PEX1: variants seen among roughly 807,000 people sequenced by gnomAD.
PEX1 encodes the protein peroxisomal biogenesis factor 1.
Under a neutral mutation model 152.5 loss-of-function variants are expected in PEX1, and 97 were observed. The observed-to-expected ratio is 0.64, with a 90% confidence interval of 0.54 to 0.75. The LOEUF is 0.75. Among genes scored for constraint, PEX1 ranks in the 30% least tolerant of loss-of-function variants. The probability of loss-of-function intolerance (pLI) is 0.00; values close to 1 mark genes in which losing one functional copy is unlikely to be tolerated. For synonymous variants in PEX1, 485 were observed against 531.6 expected (o/e 0.91, Z 1.21); for missense variants, 1,357 against 1,516.3 (o/e 0.89, Z 1.74).
rs774010258 is a variant in PEX1, at chr7:92,499,752, T to C, written c.2670A>G (p.Leu890=). ...YGPPGTGKTL[L]AGVIARESRM... is the part of the protein sequence containing the mutation. ...TACTCTCTCGTGCAATTACCCCAGC[T>C]AGTAAGGTTTTTCCTGTTCCAGGCG... is the stretch of plus-strand genomic sequence containing the variant. Residue 890 remains leucine, a synonymous_variant, in exon 16 of 24, where the codon CTA becomes CTG. Transcript: ENST00000248633. 1.2e-6 allele frequency: 2 copies of C among 1,613,424 alleles called. No homozygotes were observed. Among genetic ancestry groups the C allele is most frequent in the Non-Finnish European group, 1.7e-6 (2 of 1,179,400 alleles).
At chr7:92,498,286 T>C (rs919657119) in intron 16 of PEX1, among the ~76,000 whole-genome samples, 5 of 150,966 alleles carry the variant, frequency 3.3e-5, no homozygotes, top group Admixed American at 6.6e-5. Flanking sequence ...GGCAGATCAC[T>C]CGAGGTCAGG....
intron 6 of PEX1, among the ~76,000 whole-genome samples, chr7:92,513,405 C>A (rs1792571800): frequency 6.6e-6 from 1 of 151,938 alleles, no homozygotes; most frequent in Non-Finnish European, 1.5e-5. Context: ...ATACATACAA[C>A]ACAGATGAGC....
intron 1 of PEX1, among the ~76,000 whole-genome samples, chr7:92,526,932 A>ATTCTTC (rs1554377738): frequency 6.6e-6 from 1 of 152,226 alleles, no homozygotes; most frequent in Non-Finnish European, 1.5e-5. Flanking sequence ...TCTATAAAAC[A>ATTCTTC]TAAATTCTAT....
rs1445004699 is a variant in PEX1 at position 92,514,044 on chromosome 7, T to A, written c.1240-77A>T. The A allele has an allele frequency of 7.7e-6, 7 of 914,240 alleles. No homozygotes were observed. The East Asian group carries it at 8.1e-5, about 11-fold the overall frequency. 56.6% of individuals were successfully genotyped at this position (914,240 alleles called of 1,614,324 possible). ...AAATATTTCATAGCATAAATATTGA[T>A]ATATTAGCTTCTATGAATTTAGGTG... On this transcript the variant is annotated intron_variant, in intron 5 of 23. Transcript: ENST00000248633.
At chr7:92,500,578 C>T (rs1257329999) in intron 15 of PEX1, among the ~76,000 whole-genome samples, 4 of 152,200 alleles carry the variant, frequency 2.6e-5, no homozygotes, top group African/African-American at 9.6e-5. Flanking sequence ...GCTAGTACTT[C>T]CATACCCATG....
At chr7:92,490,545 G>T (rs1791239073) in intron 21 of PEX1, among the ~76,000 whole-genome samples, 1 of 139,876 alleles carries the variant, frequency 7.1e-6, no homozygotes, top group Admixed American at 7.9e-5. Context: ...TGAGGTGGAA[G>T]AATCACCTAA....
Position 92,487,395 on chromosome 7 carries a change from G to T in PEX1, c.*62C>A. Reference sequence around the variant, plus strand: ...AATTCATAGACACCATTTTTTTCCTGTTACAACATATGGAAAAGCCATCAA... The same window carrying T: ...AATTCATAGACACCATTTTTTTCCTTTTACAACATATGGAAAAGCCATCAA... On this transcript the variant is annotated 3_prime_UTR_variant, in exon 24 of 24. Transcript: ENST00000248633. The T allele has an allele frequency of 3.5e-6, 3 of 867,438 alleles. No individual in the cohort carries two copies. The highest frequency in any genetic ancestry group is 2.2e-5 in the Admixed American group (1 of 46,480). The allele number at this position is 867,438 out of a possible 1,614,324, so 53.7% of individuals were successfully genotyped here.
At chr7:92,500,126 A>G (rs2116135841) in intron 15 of PEX1, among the ~76,000 whole-genome samples, 1 of 152,380 alleles carries the variant, frequency 6.6e-6, no homozygotes, top group East Asian at 1.9e-4. Context: ...TACTACATTT[A>G]AAAAGTACAA....
At chr7:92,508,090 ATGGGTGCTTT>A (rs1459973377) in intron 9 of PEX1, among the ~76,000 whole-genome samples, 1 of 152,218 alleles carries the variant, frequency 6.6e-6, no homozygotes, top group Non-Finnish European at 1.5e-5. Flanking sequence ...ATAATCATAA[ATGGGTGCTTT>A]TGAAGTACTG....
chr7:92,512,990 A>T (rs1792551128), intron 6 of PEX1, among the ~76,000 whole-genome samples: 1 of 152,162 alleles, frequency 6.6e-6, no homozygotes, highest in African/African-American at 2.4e-5. Context: ...CAAAGAATTA[A>T]CTGAGTAAAA....
intron 20 of PEX1, 68 bp downstream of exon 20, chr7:92,492,885 G>T: frequency 1.6e-6 from 2 of 1,241,824 alleles, no homozygotes; most frequent in Non-Finnish European, 1.2e-6. Context: ...TTTTTAAGGT[G>T]GAAATTTTGA....
chr7:92,522,207 T>G lies in PEX1; in HGVS notation c.168A>C (p.Ala56=), dbSNP rs1793079100. 1.2e-6 allele frequency: 2 copies of G among 1,613,954 alleles called. No homozygotes were observed. The highest frequency in any genetic ancestry group is 1.3e-5 in the African/African-American group (1 of 74,932). Residue 56 remains alanine, a synonymous_variant, in exon 2 of 24, where the codon GCA becomes GCC. Transcript: ENST00000248633. ...GCCTGCCTTCCACCCAGCTCAAGAATGCAGGCTGGTGACTCCAGACCACTT... is the reference window on the plus strand; with the variant it reads ...GCCTGCCTTCCACCCAGCTCAAGAAGGCAGGCTGGTGACTCCAGACCACTT... ...AIEVVWSHQP[A]FLSWVEGRHF...
In PEX1 at chr7:92,494,476, A is replaced by G. The variant is rs755713173; in HGVS notation, c.2926+11T>C. ...GTTATAACATTCTATTTCTGTATTT[A>G]TAATTATTACCCTGTAAGCCTTCTA... On this transcript the variant is annotated intron_variant, in intron 18 of 23. Coordinates refer to ENST00000248633, the MANE Select transcript of PEX1 (RefSeq NM_000466.3). 2 of 1,613,288 alleles carry G rather than the reference A, an allele frequency of 1.2e-6. No individual in the cohort carries two copies. Among genetic ancestry groups the G allele is most frequent in the Non-Finnish European group, 1.7e-6 (2 of 1,179,244 alleles).
chr7:92,499,847 CAA>C lies in PEX1; in HGVS notation c.2584-11_2584-10del, dbSNP rs5885806. The C allele has an allele frequency of 0.067, 74,493 of 1,106,330 alleles. 11 individuals carry two copies. Among genetic ancestry groups the C allele is most frequent in the South Asian group, 0.094 (5,185 of 55,076 alleles). 68.5% of individuals were successfully genotyped at this position (1,106,330 alleles called of 1,614,324 possible). A position where few individuals can be genotyped will look rare whatever the true frequency, so the allele number is the denominator to read the frequency against. On this transcript the variant is annotated splice_polypyrimidine_tract_variant and intron_variant, in intron 15 of 23. Coordinates refer to ENST00000248633, the MANE Select transcript of PEX1 (RefSeq NM_000466.3). ...GCAAATAATTCTGGATACTGAGAAA[CAA>C]AAAAAAAAAATATGAAAAAGAGCTC... is the stretch of plus-strand genomic sequence containing the variant.
rs1438238195 is a variant in PEX1, at chr7:92,491,354, T to C, written c.3356A>G (p.Asp1119Gly). 4 of 1,613,896 alleles carry C rather than the reference T, an allele frequency of 2.5e-6. No individual in the cohort carries two copies. The highest frequency in any genetic ancestry group is 1.1e-5 in the South Asian group (1 of 91,088). Residue 1119 changes from aspartate (D) to glycine (G), a missense_variant, in exon 21 of 24, where the codon GAT (aspartate) becomes GGT (glycine). By Grantham distance (94) the Asp-to-Gly change is moderately conservative. Transcript: ENST00000248633. The part of the protein sequence containing the change: ...VSLEMSEILP[D>G]ESKFNMYRLY... ...CCGGTACATATTGAATTTTGATTCATCTGGAAGGATCTCGGACATCTCTAA... is the reference window on the plus strand; with the variant it reads ...CCGGTACATATTGAATTTTGATTCACCTGGAAGGATCTCGGACATCTCTAA...
Position 92,489,442 on chromosome 7 carries a change from T to G in PEX1, c.3637-19A>C. The stretch of plus-strand genomic sequence containing the variant: ...CGTCCTCCTTAAGTAAAAAAAGAAA[T>G]TGACGAAGAGTTAAATTAAGGATGT... On this transcript the variant is annotated intron_variant, in intron 22 of 23. Transcript: ENST00000248633. 2 of 1,609,134 alleles carry G rather than the reference T, an allele frequency of 1.2e-6. No homozygotes were observed. The highest frequency in any genetic ancestry group is 1.7e-6 in the Non-Finnish European group (2 of 1,176,096).
intron 23 of PEX1, 54 bp from the exon 24 acceptor site, chr7:92,487,595 A>T: frequency 1.3e-6 from 1 of 774,996 alleles, no homozygotes; most frequent in Non-Finnish European, 2.2e-6. Context: ...TTACAAAACA[A>T]AAGATAATGG....
In PEX1 at chr7:92,506,248, C is replaced by T; in HGVS notation, c.1900G>A (p.Gly634Arg). ...ATATAGAGTGTTACCATACTCATAC[C>T]TCGTAAAGCTTTACAGTCAACTCTC... ...VERVDCKALRGKRLENIQKTL... is the reference protein window; with the variant it reads ...VERVDCKALRRKRLENIQKTL... The change falls in exon 11 of 24, where the codon GGA becomes AGA. Residue 634 changes from glycine (G) to arginine (R), a missense_variant and splice_region_variant. Physicochemically the swap from Gly to Arg is moderately radical, Grantham distance 125. Transcript: ENST00000248633. 2 of 1,540,538 alleles carry T rather than the reference C, an allele frequency of 1.3e-6. No homozygotes were observed. The highest frequency in any genetic ancestry group is 1.8e-6 in the Non-Finnish European group (2 of 1,113,462).
chr7:92,524,436 T>G (rs1296339820), intron 1 of PEX1, among the ~76,000 whole-genome samples: 1 of 151,628 alleles, frequency 6.6e-6, no homozygotes, highest in Non-Finnish European at 1.5e-5. Context: ...CCGGCTAATT[T>G]TTGTATTTTT....
Sources: allele counts gnomAD v4.1 joint callset (sites outside exome capture counted in the v4.1 genomes callset), GRCh38; gene constraint gnomAD v4.1.1; transcripts MANE v1.5; gene names NCBI Gene and HGNC (gene_info 2026-07-23, HGNC 2026-07-21).